Variants in TP53INP1 observed in about 807,000 individuals in gnomAD.
TP53INP1 encodes the protein tumor protein p53-inducible nuclear protein 1.
Under a neutral mutation model 21.0 loss-of-function variants are expected in TP53INP1, and 12 were observed. That is an observed-to-expected ratio of 0.57 (90% CI 0.37 to 0.93). The LOEUF is 0.93. Ranked by LOEUF, TP53INP1 falls within the 40% of genes least tolerant of loss-of-function variation. The pLI, the probability that TP53INP1 is intolerant of heterozygous loss-of-function variation, is 0.01. For synonymous variants in TP53INP1, 91 were observed against 94.8 expected (o/e 0.96, Z 0.23); for missense variants, 274 against 294.7 (o/e 0.93, Z 0.51).
intron 1 of TP53INP1, among the ~76,000 whole-genome samples, chr8:94,945,938 G>C (rs150007285): frequency 5.2e-4 from 79 of 152,250 alleles, no homozygotes; most frequent in African/African-American, 1.8e-3. Context: ...CTTTGTCCTT[G>C]TTCTGCTTGG....
intron 1 of TP53INP1, chr8:94,945,551 C>T (rs1216167028): frequency 1.3e-5 from 2 of 152,232 alleles, no homozygotes; most frequent in East Asian, 3.8e-4. Flanking sequence ...CCTGCCCAGT[C>T]ACTGCTACTG....
At chr8:94,935,740 G>A (rs1170482876) in intron 3 of TP53INP1, among the ~76,000 whole-genome samples, 1 of 152,162 alleles carries the variant, frequency 6.6e-6, no homozygotes, top group Non-Finnish European at 1.5e-5. Context: ...CAATTAGATT[G>A]GAGAACATAA....
intron 3 of TP53INP1, among the ~76,000 whole-genome samples, chr8:94,937,475 G>A (rs1022361702): frequency 1.3e-5 from 2 of 151,962 alleles, no homozygotes; most frequent in African/African-American, 4.8e-5. Context: ...AAAATGGGGG[G>A]ATAAAAGCAT....
chr8:94,930,218 C>T lies in TP53INP1; in HGVS notation c.*261G>A, dbSNP rs1033699963. ...GTATAACCTAATATATTTAAAGACA[C>T]CCCCAAACACTGTAATTATATTGAT... On this transcript the variant is annotated 3_prime_UTR_variant, in exon 4 of 4. Coordinates refer to ENST00000342697, the MANE Select transcript of TP53INP1 (RefSeq NM_033285.4). 7 of 441,944 alleles carry T rather than the reference C, an allele frequency of 1.6e-5. No homozygotes were observed. Among genetic ancestry groups the T allele is most frequent in the African/African-American group, 1.2e-4 (6 of 50,088 alleles). The allele number at this position is 441,944 out of a possible 1,614,324, so 27.4% of individuals were successfully genotyped here. A position where few individuals can be genotyped will look rare whatever the true frequency, so the allele number is the denominator to read the frequency against.
chr8:94,933,153 T>G (rs748022467), intron 3 of TP53INP1, among the ~76,000 whole-genome samples: 1 of 152,074 alleles, frequency 6.6e-6, no homozygotes, highest in Non-Finnish European at 1.5e-5. Flanking sequence ...AGTGCGGAGG[T>G]TGCAGTGAGC....
chr8:94,943,776 ATCT>A (rs888443763), intron 1 of TP53INP1, among the ~76,000 whole-genome samples: 4 of 152,356 alleles, frequency 2.6e-5, no homozygotes, highest in African/African-American at 7.2e-5. Context: ...GTCACAATTC[ATCT>A]TCTTCAGCCA....
At chr8:94,935,860 T>G (rs1188962965) in intron 3 of TP53INP1, among the ~76,000 whole-genome samples, 1 of 152,232 alleles carries the variant, frequency 6.6e-6, no homozygotes, top group Non-Finnish European at 1.5e-5. Flanking sequence ...TATGTCTGGC[T>G]GGAGACACAC....
At chr8:94,948,756 G>A (rs1215095138) in intron 1 of TP53INP1, among the ~76,000 whole-genome samples, 4 of 152,192 alleles carry the variant, frequency 2.6e-5, no homozygotes, top group Admixed American at 6.5e-5. Context: ...GCAGGCGGAG[G>A]AGGAGGAGTG....
intron 3 of TP53INP1, among the ~76,000 whole-genome samples, chr8:94,934,843 T>G (rs777450072): frequency 1.2e-4 from 19 of 152,192 alleles, no homozygotes; most frequent in Non-Finnish European, 1.8e-4. Context: ...CACCTCTTAA[T>G]AAACTTGTAG....
intron 1 of TP53INP1, among the ~76,000 whole-genome samples, chr8:94,946,268 A>T (rs1821981461): frequency 6.6e-6 from 1 of 152,190 alleles, no homozygotes; most frequent in Admixed American, 6.5e-5. Context: ...TGGCTGACTG[A>T]GTCTAATACT....
intron 1 of TP53INP1, among the ~76,000 whole-genome samples, chr8:94,942,477 T>C (rs778093798): frequency 5.9e-5 from 9 of 152,186 alleles, no homozygotes; most frequent in Admixed American, 2.0e-4. Context: ...CTCTGAGACT[T>C]TGCCAAAACT....
At chr8:94,948,351 A>G (rs868180161) in intron 1 of TP53INP1, among the ~76,000 whole-genome samples, 1 of 152,202 alleles carries the variant, frequency 6.6e-6, no homozygotes, top group South Asian at 2.1e-4. Flanking sequence ...ATGAGAATCA[A>G]CTGGGGCGAT....
At position 94,934,314 on chromosome 8, in the gene TP53INP1, T is replaced by TAC. The variant is rs376984979; in HGVS notation, c.474-3588_474-3587dup. ...TAAATTCTTTTGCAAAGCTGCTGACTACACACACACACAACACTGCAAAGT... is the reference window on the plus strand; with the variant it reads ...TAAATTCTTTTGCAAAGCTGCTGACTACACACACACACACAACACTGCAAAGT... On this transcript the variant is annotated intron_variant, in intron 3 of 3. Coordinates refer to ENST00000342697, the MANE Select transcript of TP53INP1 (RefSeq NM_033285.4). Among the ~76,000 whole-genome samples the TAC allele has an allele frequency of 5.9e-5, 9 of 151,922 alleles. No homozygotes were observed. The South Asian group carries it at 1.7e-3, about 28-fold the overall frequency.
rs2945554 is a variant in TP53INP1 at position 94,927,366 on chromosome 8, C to G, written c.*3113G>C. 2 of 151,984 alleles carry G rather than the reference C, an allele frequency of 1.3e-5. No homozygotes were observed. The highest frequency in any genetic ancestry group is 3.9e-4 in the East Asian group (2 of 5,190). The allele number at this position is 151,984 out of a possible 1,614,324, so 9.4% of individuals were successfully genotyped here. A position where few individuals can be genotyped will look rare whatever the true frequency, so the allele number is the denominator to read the frequency against. ...ACTATACAGATTTCAGAAGCAGAAACAATGCTGAACAGCCTGCTCAAGTTT... is the reference window on the plus strand; with the variant it reads ...ACTATACAGATTTCAGAAGCAGAAAGAATGCTGAACAGCCTGCTCAAGTTT... On this transcript the variant is annotated 3_prime_UTR_variant, in exon 4 of 4. Coordinates refer to ENST00000342697, the MANE Select transcript of TP53INP1 (RefSeq NM_033285.4).
intron 3 of TP53INP1, among the ~76,000 whole-genome samples, chr8:94,937,309 C>T (rs759580121): frequency 8.6e-5 from 13 of 152,042 alleles, no homozygotes; most frequent in South Asian, 6.2e-4. Context: ...GGTATGGTGG[C>T]GGGCGCCTGT....
rs544195470 is a variant in TP53INP1 at position 94,928,361 on chromosome 8, C to T, written c.*2118G>A. 14 of 152,338 alleles carry T rather than the reference C, an allele frequency of 9.2e-5. No homozygotes were observed. Among genetic ancestry groups the T allele is most frequent in the Admixed American group, 5.9e-4 (9 of 15,302 alleles). 9.4% of individuals were successfully genotyped at this position (152,338 alleles called of 1,614,324 possible). ...TTACATGCAATGTATGAAAAAGAGACGCCGTGTATTCAGAGTTTTACATCC... is the reference window on the plus strand; with the variant it reads ...TTACATGCAATGTATGAAAAAGAGATGCCGTGTATTCAGAGTTTTACATCC... On this transcript the variant is annotated 3_prime_UTR_variant, in exon 4 of 4. Transcript: ENST00000342697.
chr8:94,940,702 A>G lies in TP53INP1; in HGVS notation c.112+128T>C. ...ACAGATGGTTTCCTGCAATTTTTTAAAGACAAACTCCTGCTTACTTTTAAG... is the reference window on the plus strand; with the variant it reads ...ACAGATGGTTTCCTGCAATTTTTTAGAGACAAACTCCTGCTTACTTTTAAG... On this transcript the variant is annotated intron_variant, in intron 2 of 3. Transcript: ENST00000342697. The G allele has an allele frequency of 4.5e-6, 3 of 663,994 alleles. No homozygotes were observed. The South Asian group carries it at 6.1e-5, about 14-fold the overall frequency. The allele number at this position is 663,994 out of a possible 1,614,324, so 41.1% of individuals were successfully genotyped here.
intron 3 of TP53INP1, among the ~76,000 whole-genome samples, chr8:94,937,505 C>T (rs985942541): frequency 3.3e-5 from 5 of 151,614 alleles, no homozygotes; most frequent in African/African-American, 9.7e-5. Context: ...GCTGTCCCCA[C>T]AAGATTTTCC....
chr8:94,941,415 A>G (rs1244938263), intron 1 of TP53INP1, among the ~76,000 whole-genome samples: 1 of 152,196 alleles, frequency 6.6e-6, no homozygotes, highest in African/African-American at 2.4e-5. Context: ...AATTCTAGAT[A>G]GTAACAGTCT....
Sources: allele counts gnomAD v4.1 joint callset (sites outside exome capture counted in the v4.1 genomes callset), GRCh38; gene constraint gnomAD v4.1.1; transcripts MANE v1.5; gene names NCBI Gene and HGNC (gene_info 2026-07-23, HGNC 2026-07-21).